AKR1E2: variants seen among roughly 807,000 people sequenced by gnomAD.
The protein encoded by AKR1E2 is aldo-keto reductase family 1 member E2.
In AKR1E2, 43 loss-of-function variants were observed where a neutral mutation model predicts 41.9. The observed-to-expected ratio is 1.03, with a 90% CI of 0.80 to 1.32. The LOEUF (loss-of-function observed/expected upper bound fraction) is 1.32. AKR1E2 is among the 40% of genes most tolerant of loss of function. The pLI is 0.00. For synonymous variants in AKR1E2, 121 were observed against 138.9 expected (o/e 0.87, Z 0.91); for missense variants, 423 against 396.5 (o/e 1.07, Z -0.57).
the AKR1E2 span, among the ~76,000 whole-genome samples, chr10:4,860,841 C>T: frequency 1.3e-5 from 2 of 151,942 alleles, no homozygotes; most frequent in East Asian, 3.8e-4. Context: ...AAATGTGAAC[C>T]TTGGGATTCT....
intron 8 of AKR1E2, among the ~76,000 whole-genome samples, chr10:4,844,341 G>C (rs1029997476): frequency 6.6e-6 from 1 of 152,182 alleles, no homozygotes. Context: ...CCTTTGCGGT[G>C]AGTGTTACAG....
intron 6 of AKR1E2, 76 bp downstream of exon 6, chr10:4,839,902 A>G: frequency 7.3e-7 from 1 of 1,371,304 alleles, no homozygotes; most frequent in Non-Finnish European, 1.0e-6. Flanking sequence ...CCTTGGGATG[A>G]CTGAGGGAGG....
chr10:4,862,811 A>G, the AKR1E2 span, among the ~76,000 whole-genome samples: 89,587 of 152,024 alleles, frequency 0.59, 27,901 homozygotes, highest in East Asian at 0.74. Context: ...AGGGGTTGCA[A>G]TCCTAGTCTC....
intron 4 of AKR1E2, among the ~76,000 whole-genome samples, chr10:4,836,014 C>G (rs1472911249): frequency 6.6e-6 from 1 of 152,156 alleles, no homozygotes; most frequent in Non-Finnish European, 1.5e-5. Context: ...TGGTGCAGTT[C>G]TCTTGACACA....
the AKR1E2 span, among the ~76,000 whole-genome samples, chr10:4,859,453 G>A: frequency 6.6e-6 from 1 of 152,214 alleles, no homozygotes; most frequent in Non-Finnish European, 1.5e-5. Flanking sequence ...ATATGTGAGA[G>A]AAAGAAAAAC....
chr10:4,837,036 T>C (rs1833483074), intron 4 of AKR1E2, among the ~76,000 whole-genome samples: 4 of 152,158 alleles, frequency 2.6e-5, no homozygotes, highest in Admixed American at 2.0e-4. Context: ...AGAAGGTCAG[T>C]GTCTCAGTGG....
At position 4,847,241 on chromosome 10, in the gene AKR1E2, C is replaced by T; in HGVS notation, c.920+11C>T. ...GGCCATGTTCCCCATGTAAATATGG[C>T]TCCTTCTTTTTAAAACAGAGGGAAG... On this transcript the variant is annotated intron_variant, in intron 9 of 9. Coordinates refer to ENST00000298375, the MANE Select transcript of AKR1E2 (RefSeq NM_001040177.3). 6.2e-7 allele frequency: 1 copy of T among 1,613,768 alleles called. No individual in the cohort carries two copies. The highest frequency in any genetic ancestry group is 8.5e-7 in the Non-Finnish European group (1 of 1,179,748).
chr10:4,835,563 G>T, intron 3 of AKR1E2, 112 bp from the exon 4 acceptor site: 1 of 1,361,278 alleles, frequency 7.3e-7, no homozygotes. Context: ...ACATGGCCAG[G>T]CTGGGGTTGC....
the AKR1E2 span, among the ~76,000 whole-genome samples, chr10:4,861,982 G>A: frequency 3.9e-5 from 6 of 152,148 alleles, no homozygotes; most frequent in Admixed American, 2.6e-4. Context: ...TGTTTTTGGT[G>A]TTTTAGACAT....
chr10:4,835,126 A>G (rs927370257), intron 3 of AKR1E2, among the ~76,000 whole-genome samples: 1 of 152,236 alleles, frequency 6.6e-6, no homozygotes, highest in Non-Finnish European at 1.5e-5. Flanking sequence ...GTGGGAGTAC[A>G]TGAGGGAGGT....
chr10:4,857,274 A>G, the AKR1E2 span, among the ~76,000 whole-genome samples: 4 of 152,136 alleles, frequency 2.6e-5, no homozygotes, highest in African/African-American at 4.8e-5. Context: ...TTGGAGGTAA[A>G]ACCTGGTGGG....
downstream of AKR1E2, among the ~76,000 whole-genome samples, chr10:4,852,297 C>G (rs1200918309): frequency 1.3e-5 from 2 of 152,134 alleles, no homozygotes; most frequent in Admixed American, 6.5e-5. Flanking sequence ...AAATCAGCAT[C>G]TCTAGGGGGA....
the AKR1E2 span, among the ~76,000 whole-genome samples, chr10:4,867,701 T>G: frequency 6.6e-6 from 1 of 152,212 alleles, no homozygotes; most frequent in Non-Finnish European, 1.5e-5. Context: ...CTAGTTTCTT[T>G]TTAACCCACA....
the AKR1E2 span, among the ~76,000 whole-genome samples, chr10:4,871,358 T>G: frequency 6.6e-6 from 1 of 152,170 alleles, no homozygotes; most frequent in Non-Finnish European, 1.5e-5. Flanking sequence ...TCCTTGTTCT[T>G]GGTATGATAA....
Position 4,830,742 on chromosome 10 carries a change from G to A in AKR1E2, c.107G>A (p.Cys36Tyr), listed in dbSNP as rs1157170657. 40 of 1,613,992 alleles carry A rather than the reference G, an allele frequency of 2.5e-5. No individual in the cohort carries two copies. Among genetic ancestry groups the A allele is most frequent in the Non-Finnish European group, 3.1e-5 (36 of 1,180,000 alleles). ...AIDAGYRHFD[C>Y]AYFYHNEREV... ...GACGCAGGGTACCGGCACTTCGACTGTGCTTACTTTTACCACAATGAGAGG... is the reference window on the plus strand; with the variant it reads ...GACGCAGGGTACCGGCACTTCGACTATGCTTACTTTTACCACAATGAGAGG... The change falls in exon 2 of 10, where the codon TGT becomes TAT. Residue 36 changes from cysteine to tyrosine, a missense_variant. By Grantham distance (194) the Cys-to-Tyr change is radical. Transcript: ENST00000298375.
chr10:4,865,273 A>T, the AKR1E2 span, among the ~76,000 whole-genome samples: 2 of 152,234 alleles, frequency 1.3e-5, no homozygotes, highest in East Asian at 3.8e-4. Context: ...AAAATTTAAA[A>T]AGATGGTATT....
chr10:4,855,447 A>G, the AKR1E2 span, among the ~76,000 whole-genome samples: 1 of 152,164 alleles, frequency 6.6e-6, no homozygotes, highest in Non-Finnish European at 1.5e-5. Flanking sequence ...AGGTCCCAGA[A>G]AAAAACCGGA....
In AKR1E2 at chr10:4,835,803, G is replaced by A. The variant is rs370096153; in HGVS notation, c.453G>A (p.Thr151=). The A allele has an allele frequency of 6.4e-5, 104 of 1,613,760 alleles. No homozygotes were observed. Among genetic ancestry groups the A allele is most frequent in the Non-Finnish European group, 8.5e-5 (100 of 1,179,974 alleles). The part of the protein sequence containing the change: ...VIPSDTDFLD[T]WEAMEDLVIT... Reference sequence around the variant, plus strand: ...CCAGTGACACGGACTTCCTGGACACGTGGGAGGTGAGCTGAGCCACACCAC... The same window carrying A: ...CCAGTGACACGGACTTCCTGGACACATGGGAGGTGAGCTGAGCCACACCAC... Residue 151 remains threonine, a synonymous_variant, in exon 4 of 10, where the codon ACG becomes ACA. Coordinates refer to ENST00000298375, the MANE Select transcript of AKR1E2 (RefSeq NM_001040177.3).
At chr10:4,836,867 G>A (rs551680924) in intron 4 of AKR1E2, among the ~76,000 whole-genome samples, 5 of 152,300 alleles carry the variant, frequency 3.3e-5, no homozygotes, top group South Asian at 4.1e-4. Flanking sequence ...TGCTGACTAC[G>A]GACCCTGGCA....
Sources: allele counts gnomAD v4.1 joint callset (sites outside exome capture counted in the v4.1 genomes callset), GRCh38; gene constraint gnomAD v4.1.1; transcripts MANE v1.5; gene names NCBI Gene and HGNC (gene_info 2026-07-23, HGNC 2026-07-21).